The following VSTM4 variants were observed in gnomAD, a reference collection of about 807,000 sequenced individuals.
VSTM4 encodes the protein V-set and transmembrane domain containing 4, also known as V-set and transmembrane domain-containing protein 4.
A neutral mutation model predicts 36.4 loss-of-function variants in VSTM4; 20 were observed. The observed-to-expected ratio is 0.55, with a 90% CI of 0.39 to 0.80. The LOEUF (loss-of-function observed/expected upper bound fraction) is 0.80. Ranked by LOEUF, VSTM4 falls within the 30% of genes least tolerant of loss-of-function variation. The pLI, the probability that VSTM4 is intolerant of heterozygous loss-of-function variation, is 0.00. For synonymous variants in VSTM4, 182 were observed against 173.9 expected (o/e 1.05, Z -0.37); for missense variants, 392 against 404.5 (o/e 0.97, Z 0.26).
intron 1 of VSTM4, 21 bp downstream of exon 1, chr10:49,115,410 G>A: frequency 9.8e-7 from 1 of 1,020,976 alleles, no homozygotes; most frequent in Non-Finnish European, 1.2e-6. Flanking sequence ...TCCCGCTCCC[G>A]CCTGGCCCCG....
chr10:49,064,309 T>C (rs1011455608), intron 5 of VSTM4: 5 of 221,584 alleles, frequency 2.3e-5, no homozygotes, highest in African/African-American at 1.2e-4. Flanking sequence ...CTATAAAGTG[T>C]GCCTCACCAG....
rs1270160570 is a variant in VSTM4, at chr10:49,113,907, A to C, written c.55+1524T>G. ...CTGACCATGGGCACAGCCAGGGCAG[A>C]CTCTAAAGGCTCCTGAATTCCAGCT... On this transcript the variant is annotated intron_variant, in intron 1 of 7. Coordinates refer to ENST00000332853, the MANE Select transcript of VSTM4 (RefSeq NM_001031746.5). 2.6e-5 allele frequency among the ~76,000 whole-genome samples: 4 copies of C among 152,192 alleles called. No homozygotes were observed. In the East Asian group the frequency reaches 5.8e-4, roughly 22 times the overall value.
intron 1 of VSTM4, among the ~76,000 whole-genome samples, chr10:49,115,201 G>A (rs1844971773): frequency 6.6e-6 from 1 of 152,058 alleles, no homozygotes; most frequent in Admixed American, 6.5e-5. Flanking sequence ...GGCGAGGTCG[G>A]GACGGGGACC....
chr10:49,048,258 C>T (rs1219192349), intron 6 of VSTM4, among the ~76,000 whole-genome samples: 1 of 152,220 alleles, frequency 6.6e-6, no homozygotes, highest in African/African-American at 2.4e-5. Context: ...GCTTCCTCCT[C>T]CAACTCCACC....
At chr10:49,085,578 A>G (rs981026461) in intron 3 of VSTM4, among the ~76,000 whole-genome samples, 7 of 152,226 alleles carry the variant, frequency 4.6e-5, no homozygotes, top group African/African-American at 1.7e-4. Context: ...CTGGTGCTTT[A>G]ACTTCCACTC....
Position 49,107,693 on chromosome 10 carries a change from A to G in VSTM4, c.358T>C (p.Ser120Pro). ...YRLSVLTLQP[S>P]DQGHYVCRVQ... ...CTGCAGACGTAATGCCCTTGATCGG[A>G]GGGCTGCAGTGTCAAGACGGAGAGC... The change falls in exon 2 of 8, where the codon TCC becomes CCC. Residue 120 changes from serine (S) to proline (P), a missense_variant. Transcript: ENST00000332853. 3 of 1,614,180 alleles carry G rather than the reference A, an allele frequency of 1.9e-6. No homozygotes were observed. The highest frequency in any genetic ancestry group is 2.5e-6 in the Non-Finnish European group (3 of 1,180,030).
chr10:49,072,401 C>A (rs1161639319), intron 4 of VSTM4, among the ~76,000 whole-genome samples: 3 of 152,180 alleles, frequency 2.0e-5, no homozygotes, highest in Admixed American at 6.5e-5. Context: ...CAGGTGGTCG[C>A]AGTTATGCCC....
In VSTM4 at chr10:49,102,727, C is replaced by A. The variant is rs117950943; in HGVS notation, c.457+4867G>T. 4.9e-4 allele frequency: 485 copies of A among 985,478 alleles called. 4 individuals carry two copies. The East Asian group carries it at 0.02, about 41-fold the overall frequency. The allele number at this position is 985,478 out of a possible 1,614,324, so 61.0% of individuals were successfully genotyped here. On this transcript the variant is annotated intron_variant, in intron 2 of 7. Coordinates refer to ENST00000332853, the MANE Select transcript of VSTM4 (RefSeq NM_001031746.5). ...CAAGTCACGCCTACTTCAAAGTCAT[C>A]CACAGCAACAGTTGCTAATGACACT...
chr10:49,076,888 G>C (rs1225314811), intron 4 of VSTM4, among the ~76,000 whole-genome samples: 1 of 152,060 alleles, frequency 6.6e-6, no homozygotes, highest in Non-Finnish European at 1.5e-5. Context: ...AGAATGGCTC[G>C]GGAACTTGCC....
At chr10:49,027,385 A>G (rs950166430) in intron 7 of VSTM4, among the ~76,000 whole-genome samples, 8 of 152,186 alleles carry the variant, frequency 5.3e-5, no homozygotes, top group African/African-American at 1.9e-4. Context: ...CAGCCCTAGG[A>G]TTACAGTTCC....
In VSTM4 at chr10:49,086,003, C is replaced by T; in HGVS notation, c.478G>A (p.Glu160Lys). 1 of 1,591,814 alleles carries T rather than the reference C, an allele frequency of 6.3e-7. No homozygotes were observed. The highest frequency in any genetic ancestry group is 8.5e-7 in the Non-Finnish European group (1 of 1,170,956). Residue 160 changes from glutamate (E) to lysine (K), a missense_variant, in exon 3 of 8, where the codon GAA (glutamate) becomes AAA (lysine). Physicochemically the swap from Glu to Lys is moderately conservative, Grantham distance 56 (BLOSUM62 1). Transcript: ENST00000332853. ...TTTGTTTTCTCAAAGGATGACTCTT[C>T]AGAAGCTTTGAGGGAAATGACTGAA... The part of the protein sequence containing the change: ...EMRVISLKAS[E>K]ESSFEKTKET...
intron 7 of VSTM4, among the ~76,000 whole-genome samples, chr10:49,042,687 A>T (rs2250146): frequency 3.3e-5 from 5 of 152,214 alleles, no homozygotes; most frequent in South Asian, 4.2e-4. Flanking sequence ...CTCAACAGGG[A>T]GGGTGTGCAG....
At chr10:49,048,232 G>C (rs531134981) in intron 6 of VSTM4, among the ~76,000 whole-genome samples, 37 of 152,330 alleles carry the variant, frequency 2.4e-4, no homozygotes, top group Middle Eastern at 6.8e-3. Context: ...CCCTGCTAAA[G>C]CTATGCTAGG....
rs944168778 is a variant in VSTM4, at chr10:49,103,588, C to T, written c.457+4006G>A. On this transcript the variant is annotated intron_variant, in intron 2 of 7. Transcript: ENST00000332853. ...AATAAGAGCCAACACTCCTATGGCT[C>T]TTCTCAGAACTGGGAGTTATTTTTT... is the stretch of plus-strand genomic sequence containing the variant. 4.2e-6 allele frequency: 6 copies of T among 1,426,560 alleles called. No individual in the cohort carries two copies. The African/African-American group carries it at 5.7e-5, about 14-fold the overall frequency. 88.4% of individuals were successfully genotyped at this position (1,426,560 alleles called of 1,614,324 possible). A position where few individuals can be genotyped will look rare whatever the true frequency, so the allele number is the denominator to read the frequency against.
intron 7 of VSTM4, among the ~76,000 whole-genome samples, chr10:49,046,261 A>C (rs1035724484): frequency 1.2e-4 from 19 of 152,196 alleles, no homozygotes; most frequent in African/African-American, 4.6e-4. Context: ...GAGAGTACCA[A>C]ATTGAGGGAC....
intron 7 of VSTM4, 105 bp downstream of exon 7, chr10:49,046,878 T>G: frequency 8.5e-7 from 1 of 1,176,350 alleles, no homozygotes; most frequent in East Asian, 2.3e-5. Context: ...GGACAAAAGT[T>G]TCTAAAACTT....
intron 2 of VSTM4, among the ~76,000 whole-genome samples, chr10:49,101,588 A>G (rs1380481385): frequency 6.6e-6 from 1 of 152,256 alleles, no homozygotes; most frequent in Non-Finnish European, 1.5e-5. Context: ...ATAATGGAAA[A>G]GATTAATAAT....
intron 7 of VSTM4, among the ~76,000 whole-genome samples, chr10:49,028,354 C>A (rs1034400296): frequency 1.3e-5 from 2 of 152,216 alleles, no homozygotes; most frequent in African/African-American, 4.8e-5. Flanking sequence ...GCCTGTCTAG[C>A]CTTCTGTTCT....
Position 49,017,518 on chromosome 10 carries a change from G to C in VSTM4, c.*2132C>G, listed in dbSNP as rs1331656549. The C allele has an allele frequency of 6.6e-6, 1 of 152,246 alleles. No homozygotes were observed. Among genetic ancestry groups the C allele is most frequent in the African/African-American group, 2.4e-5 (1 of 41,462 alleles). The allele number at this position is 152,246 out of a possible 1,614,324, so 9.4% of individuals were successfully genotyped here. A position where few individuals can be genotyped will look rare whatever the true frequency, so the allele number is the denominator to read the frequency against. On this transcript the variant is annotated 3_prime_UTR_variant, in exon 8 of 8. Coordinates refer to ENST00000332853, the MANE Select transcript of VSTM4 (RefSeq NM_001031746.5). ...GTTTGACTCTAACTGGGAGCTACTA[G>C]CTCTTAAGAGCATGTGTTCTTGGTA...
Sources: allele counts gnomAD v4.1 joint callset (sites outside exome capture counted in the v4.1 genomes callset), GRCh38; gene constraint gnomAD v4.1.1; transcripts MANE v1.5; gene names NCBI Gene and HGNC (gene_info 2026-07-23, HGNC 2026-07-21).